Variants in PPP4R1 observed in about 807,000 individuals in gnomAD.
PPP4R1 encodes serine/threonine-protein phosphatase 4 regulatory subunit 1.
A neutral mutation model predicts 111.2 loss-of-function variants in PPP4R1; 42 were observed. The observed-to-expected ratio is 0.38, with a 90% CI of 0.29 to 0.49. The LOEUF (loss-of-function observed/expected upper bound fraction) is 0.49. Ranked by LOEUF, PPP4R1 falls within the 20% of genes least tolerant of loss-of-function variation. The probability of loss-of-function intolerance (pLI) is 0.97; values close to 1 mark genes in which losing one functional copy is unlikely to be tolerated. For synonymous variants in PPP4R1, 409 were observed against 405.5 expected, an observed-to-expected ratio of 1.01 and a Z score of -0.10; for missense variants, 1,012 against 1,161.6, an observed-to-expected ratio of 0.87 and a Z score of 1.87.
chr18:9,572,736 T>C (rs2066881238), intron 10 of PPP4R1, among the ~76,000 whole-genome samples: 1 of 152,194 alleles, frequency 6.6e-6, no homozygotes, highest in African/African-American at 2.4e-5. Context: ...TAATGCTGTT[T>C]TCAAAACCAT....
intron 5 of PPP4R1, 71 bp downstream of exon 5, chr18:9,588,640 T>C (rs1431096741): frequency 5.0e-6 from 7 of 1,389,736 alleles, no homozygotes; most frequent in Non-Finnish European, 6.8e-6. Context: ...AAGAGAACAC[T>C]TAGGCTCGGC....
chr18:9,604,303 T>C (rs2067442043), intron 2 of PPP4R1, among the ~76,000 whole-genome samples: 1 of 152,216 alleles, frequency 6.6e-6, no homozygotes, highest in Non-Finnish European at 1.5e-5. Context: ...CCAGTTTATA[T>C]ATCAGCACCA....
intron 10 of PPP4R1, among the ~76,000 whole-genome samples, chr18:9,575,803 A>C (rs533944298): frequency 7.0e-6 from 1 of 142,474 alleles, no homozygotes; most frequent in South Asian, 2.1e-4. Context: ...GAAACAGAAG[A>C]AAGTTTACCA....
chr18:9,600,884 A>C (rs774297138), intron 2 of PPP4R1, among the ~76,000 whole-genome samples: 1 of 152,194 alleles, frequency 6.6e-6, no homozygotes, highest in Non-Finnish European at 1.5e-5. Context: ...GTCTCAAAAA[A>C]AGAAAAAAGA....
At chr18:9,594,675 A>C (rs952982486) in intron 3 of PPP4R1, 1 of 203,612 alleles carries the variant, frequency 4.9e-6, no homozygotes, top group African/African-American at 2.3e-5. Flanking sequence ...AATGATCTTG[A>C]GCATCACCCG....
At chr18:9,549,971 G>C (rs2066463060) in intron 18 of PPP4R1, 81 bp downstream of exon 18, 3 of 1,579,360 alleles carry the variant, frequency 1.9e-6, no homozygotes, top group Non-Finnish European at 1.7e-6. Context: ...AAGGAAGAGG[G>C]TGAGAGAGAG....
chr18:9,604,595 A>C (rs1048190880), intron 2 of PPP4R1, among the ~76,000 whole-genome samples: 2 of 151,996 alleles, frequency 1.3e-5, no homozygotes, highest in African/African-American at 4.8e-5. Context: ...CTCAGCTTAA[A>C]TTTACCTATT....
At position 9,559,695 on chromosome 18, in the gene PPP4R1, T is replaced by C. The variant is rs1412780043; in HGVS notation, c.1843-91A>G. On this transcript the variant is annotated intron_variant, in intron 13 of 19. Transcript: ENST00000400556. ...AATTGGGCAAAATTATTTTTAAATA[T>C]ATAGATTTTAACATAGCATCTCAAA... The C allele has an allele frequency of 3.3e-5, 33 of 987,614 alleles. No homozygotes were observed. The Admixed American group carries it at 4.4e-4, about 13-fold the overall frequency. The allele number at this position is 987,614 out of a possible 1,614,324, so 61.2% of individuals were successfully genotyped here.
intron 11 of PPP4R1, among the ~76,000 whole-genome samples, chr18:9,566,088 A>G (rs892725003): frequency 2.2e-4 from 34 of 151,702 alleles, no homozygotes; most frequent in Non-Finnish European, 2.9e-5. Context: ...TTTTTGTATT[A>G]TTAGTAGAGA....
At chr18:9,549,979 G>C in intron 18 of PPP4R1, 73 bp downstream of exon 18, 3 of 1,591,606 alleles carry the variant, frequency 1.9e-6, no homozygotes, top group Non-Finnish European at 2.6e-6. Flanking sequence ...GGGTGAGAGA[G>C]AGGTAGGAAG....
chr18:9,587,113 T>A (rs1489672094), intron 6 of PPP4R1, among the ~76,000 whole-genome samples: 1 of 152,234 alleles, frequency 6.6e-6, no homozygotes, highest in Non-Finnish European at 1.5e-5. Flanking sequence ...TCCACTGTGC[T>A]TACACAGTGC....
chr18:9,604,324 C>G (rs1432845101), intron 2 of PPP4R1, among the ~76,000 whole-genome samples: 2 of 152,198 alleles, frequency 1.3e-5, no homozygotes, highest in Non-Finnish European at 2.9e-5. Flanking sequence ...CTTCAATCTT[C>G]CCACTCTGTT....
chr18:9,610,986 G>C (rs528258780), intron 2 of PPP4R1, among the ~76,000 whole-genome samples: 2 of 151,918 alleles, frequency 1.3e-5, no homozygotes, highest in South Asian at 2.1e-4. Flanking sequence ...CCCCGACTCT[G>C]TGCCTCTGTA....
intron 4 of PPP4R1, chr18:9,590,094 CAG>C (rs1259104670): frequency 1.3e-5 from 2 of 152,108 alleles, no homozygotes; most frequent in African/African-American, 4.8e-5. Flanking sequence ...GAAATACAGA[CAG>C]ACATGATGGA....
intron 13 of PPP4R1, among the ~76,000 whole-genome samples, chr18:9,560,045 G>A (rs1022758943): frequency 6.6e-6 from 1 of 152,152 alleles, no homozygotes; most frequent in Non-Finnish European, 1.5e-5. Context: ...TGTAGTCCCA[G>A]CACTTTGAGA....
At chr18:9,611,308 A>G (rs1181883482) in intron 2 of PPP4R1, among the ~76,000 whole-genome samples, 1 of 152,124 alleles carries the variant, frequency 6.6e-6, no homozygotes, top group African/African-American at 2.4e-5. Flanking sequence ...TACCATAGAC[A>G]GAGAAACTCA....
At chr18:9,562,898 G>C in intron 12 of PPP4R1, 1 of 986,610 alleles carries the variant, frequency 1.0e-6, no homozygotes, top group Non-Finnish European at 1.2e-6. Flanking sequence ...ACACAGTGAA[G>C]ATGATGCTAG....
chr18:9,604,585 C>T (rs1348793081), intron 2 of PPP4R1, among the ~76,000 whole-genome samples: 3 of 152,112 alleles, frequency 2.0e-5, no homozygotes, highest in African/African-American at 7.2e-5. Flanking sequence ...CTAACCTCAT[C>T]TCAGCTTAAA....
At chr18:9,617,047 A>G (rs954772885), upstream of PPP4R1, 2 of 152,196 alleles carry the variant, frequency 1.3e-5, no homozygotes, top group Non-Finnish European at 2.9e-5. Context: ...ACCAGTGTTT[A>G]CAAACTGCAC....
Sources: gnomAD v4.1 joint callset for allele counts (sites outside exome capture counted in the v4.1 genomes callset) on GRCh38, gnomAD v4.1.1 for gene constraint, MANE v1.5 for transcripts, NCBI Gene and HGNC (gene_info 2026-07-23, HGNC 2026-07-21) for gene names.